Variants in CACNA1D observed in about 807,000 individuals in gnomAD.
CACNA1D encodes the protein calcium voltage-gated channel subunit alpha1 D.
A neutral mutation model predicts 257.1 loss-of-function variants in CACNA1D; 55 were observed. The observed-to-expected ratio is 0.21, with a 90% CI of 0.17 to 0.27. The LOEUF (loss-of-function observed/expected upper bound fraction) is 0.27, where lower values mean the gene tolerates loss of function less well. Ranked by LOEUF, CACNA1D falls within the 10% of genes least tolerant of loss-of-function variation. The pLI, the probability that CACNA1D is intolerant of heterozygous loss-of-function variation, is 1.00. For missense variants in CACNA1D, 1,876 were observed against 2,784.0 expected (o/e 0.67, Z 7.34); for synonymous variants, 980 against 1,014.9 (o/e 0.97, Z 0.65).
chr3:53,514,960 T>C (rs2091275056), intron 3 of CACNA1D, among the ~76,000 whole-genome samples: 1 of 152,122 alleles, frequency 6.6e-6, no homozygotes, highest in African/African-American at 2.4e-5. Context: ...GGTGAAGAAA[T>C]GAACTGAAAA....
In CACNA1D at chr3:53,811,407, C is replaced by T; in HGVS notation, c.*1C>T. On this transcript the variant is annotated 3_prime_UTR_variant, in exon 48 of 48. Transcript: ENST00000350061. This position sits in a 1 kb window ranked among gnomAD's most constrained non-coding sequence, Gnocchi z 4.2. ...AATGATATGCATCACCACCTTGTAG[C>T]CCCCAGCGAGGGGCAGACTGGCTCT... 1 of 1,549,796 alleles carries T rather than the reference C, an allele frequency of 6.5e-7. No homozygotes were observed.
chr3:53,786,979 T>C (rs1347351109), intron 40 of CACNA1D, 27 bp downstream of exon 40: 5 of 1,612,970 alleles, frequency 3.1e-6, no homozygotes, highest in Non-Finnish European at 4.2e-6. Flanking sequence ...TTTTGTTTTC[T>C]CTTTTGACTA....
At chr3:53,775,765 A>G in intron 34 of CACNA1D, 121 bp from the exon 35 acceptor site, 2 of 965,988 alleles carry the variant, frequency 2.1e-6, no homozygotes, top group South Asian at 2.6e-5. Flanking sequence ...CATTAATTCA[A>G]ATTGGATTTT....
chr3:53,799,893 G>A, intron 40 of CACNA1D: 1 of 357,820 alleles, frequency 2.8e-6, no homozygotes, highest in Non-Finnish European at 5.4e-6. Flanking sequence ...TGGAGAGATA[G>A]GGCTCTTGTA....
chr3:53,555,999 A>G (rs760248082), intron 3 of CACNA1D, among the ~76,000 whole-genome samples: 1 of 152,112 alleles, frequency 6.6e-6, no homozygotes, highest in Non-Finnish European at 1.5e-5. Context: ...ACCCCAGCCC[A>G]TGGCAACCAC....
chr3:53,810,206 C>T lies in CACNA1D; in HGVS notation c.6100C>T (p.Arg2034Trp), dbSNP rs142692903. 3.0e-5 allele frequency: 49 copies of T among 1,613,978 alleles called. 1 individual carries two copies. The African/African-American group carries it at 3.9e-4, about 13-fold the overall frequency. Residue 2034 changes from arginine (R) to tryptophan (W), a missense_variant, in exon 47 of 48, where the codon CGG (arginine) becomes TGG (tryptophan). Around this residue, in one of 10 missense-constraint regions of CACNA1D, gnomAD observed 491 missense variants for 554.3 expected, o/e 0.89. Coordinates refer to ENST00000350061, the MANE Select transcript of CACNA1D (RefSeq NM_001128840.3). ...CACAGACGAGCCCGACATCTCCTAC[C>T]GGACTTTCACACCAGCCAGCCTGAC... ...WYTDEPDISY[R>W]TFTPASLTVP...
intron 8 of CACNA1D, among the ~76,000 whole-genome samples, chr3:53,693,571 A>G (rs929247423): frequency 1.3e-5 from 2 of 151,806 alleles, no homozygotes; most frequent in Non-Finnish European, 2.9e-5. Context: ...ATCAAACTAC[A>G]TTTGCATTCT....
chr3:53,763,918 C>T (rs926420246), intron 30 of CACNA1D, among the ~76,000 whole-genome samples: 8 of 152,122 alleles, frequency 5.3e-5, no homozygotes, highest in Non-Finnish European at 8.8e-5. Flanking sequence ...TCGGAATATT[C>T]GGGAAAATGC....
At chr3:53,758,237 C>A (rs2095278507) in intron 29 of CACNA1D, among the ~76,000 whole-genome samples, 1 of 152,126 alleles carries the variant, frequency 6.6e-6, no homozygotes, top group African/African-American at 2.4e-5. Context: ...TAGTTTCTAC[C>A]AAAAGTTGGC....
intron 3 of CACNA1D, among the ~76,000 whole-genome samples, chr3:53,522,143 A>C (rs73840111): frequency 6.6e-5 from 10 of 151,980 alleles, no homozygotes; most frequent in Non-Finnish European, 1.2e-4. Context: ...GGGAAAAAAA[A>C]CCACATTTCC....
At chr3:53,675,161 C>T (rs919928862) in intron 8 of CACNA1D, among the ~76,000 whole-genome samples, 30 of 152,142 alleles carry the variant, frequency 2.0e-4, no homozygotes, top group Admixed American at 1.4e-3. Flanking sequence ...GGCCAGTGCC[C>T]GCCAGAGAGA....
chr3:53,504,138 C>G (rs1420302822), intron 3 of CACNA1D, among the ~76,000 whole-genome samples: 6 of 151,534 alleles, frequency 4.0e-5, no homozygotes, highest in East Asian at 1.9e-4. Flanking sequence ...GGCAGCTGAA[C>G]GAAACTTATT....
rs1367707331 is a variant in CACNA1D, at chr3:53,711,508, A to G, written c.1391-6793A>G. On this transcript the variant is annotated intron_variant, in intron 9 of 47. Coordinates refer to ENST00000350061, the MANE Select transcript of CACNA1D (RefSeq NM_001128840.3). ...TCGACAGCAGCACAAAGCTTTGCCT[A>G]TGCACACCAGCACAGTCGACCCAGT... is the stretch of plus-strand genomic sequence containing the variant. Among the ~76,000 whole-genome samples, 6 of 152,200 alleles carry G rather than the reference A, an allele frequency of 3.9e-5. No homozygotes were observed. The South Asian group carries it at 8.3e-4, about 21-fold the overall frequency.
At chr3:53,552,956 G>C (rs1271306888) in intron 3 of CACNA1D, among the ~76,000 whole-genome samples, 5 of 152,190 alleles carry the variant, frequency 3.3e-5, no homozygotes, top group Non-Finnish European at 4.4e-5. Context: ...AGAATTGAAG[G>C]CAGGCTGAGC....
At chr3:53,657,676 GA>G in intron 4 of CACNA1D, among the ~76,000 whole-genome samples, 1 of 152,256 alleles carries the variant, frequency 6.6e-6, no homozygotes, top group African/African-American at 2.4e-5. Flanking sequence ...AAGAACAGAA[GA>G]AAGGTTTTAA....
At position 53,495,165 on chromosome 3, in the gene CACNA1D, G is replaced by GGAT. The variant is rs751190058; in HGVS notation, c.20_22dup. 2.1e-4 allele frequency: 332 copies of GGAT among 1,606,888 alleles called. No homozygotes were observed. Among genetic ancestry groups the GGAT allele is most frequent in the African/African-American group, 5.2e-4 (39 of 74,508 alleles). On this transcript the variant is annotated 5_prime_UTR_variant, in exon 1 of 48. The change creates a new upstream start codon in the 5' untranslated region. Transcript: ENST00000350061. The surrounding 1 kb of genome is among the most constrained non-coding windows in gnomAD (Gnocchi z 5.1). ...CAGTAGTCGCTCAATAAATGTTCGT[G>GGAT]GATGATGATGATGATGATGATGAAA... is the stretch of plus-strand genomic sequence containing the variant.
intron 3 of CACNA1D, among the ~76,000 whole-genome samples, chr3:53,539,131 A>G (rs1362070112): frequency 6.6e-6 from 1 of 151,786 alleles, no homozygotes; most frequent in South Asian, 2.1e-4. Flanking sequence ...GTTGTTCGAG[A>G]CAGAGTCCTG....
intron 20 of CACNA1D, among the ~76,000 whole-genome samples, chr3:53,738,979 T>C (rs2095087047): frequency 1.3e-5 from 2 of 152,080 alleles, no homozygotes; most frequent in African/African-American, 4.8e-5. Context: ...TTCCATAGCC[T>C]GGCCAAGAAA....
chr3:53,810,513 T>C (rs1380523571), intron 47 of CACNA1D: 1 of 606,084 alleles, frequency 1.6e-6, no homozygotes, highest in South Asian at 1.9e-5. Flanking sequence ...TCTCAGCACT[T>C]TGGGAGGCCG....
Sources: gnomAD v4.1 joint callset for allele counts (sites outside exome capture counted in the v4.1 genomes callset) on GRCh38, gnomAD v4.1.1 for gene constraint, gnomAD v4.1.1 regional missense constraint, Gnocchi (gnomAD v3.1) non-coding constraint, MANE v1.5 for transcripts, NCBI Gene and HGNC (gene_info 2026-07-23, HGNC 2026-07-21) for gene names.